TLN2: variants seen among roughly 807,000 people sequenced by gnomAD.
TLN2 encodes talin 2, also known as talin-2.
Under a neutral mutation model 294.7 loss-of-function variants are expected in TLN2, and 118 were observed. The observed-to-expected ratio is 0.40, with a 90% CI of 0.34 to 0.47. The LOEUF is 0.47. TLN2 is among the 20% of genes least tolerant of loss of function. TLN2 has a pLI of 0.84. For synonymous variants in TLN2, 1,431 were observed against 1,304.5 expected (o/e 1.10, Z -2.09); for missense variants, 3,083 against 3,282.2 (o/e 0.94, Z 1.48).
intron 11 of TLN2, among the ~76,000 whole-genome samples, chr15:62,676,053 C>T (rs148274040): frequency 1.2e-3 from 177 of 152,302 alleles, no homozygotes; most frequent in African/African-American, 4.1e-3. Flanking sequence ...AGTCAGTCTT[C>T]TTGTGTTGCT....
rs959203940 is a variant in TLN2, at chr15:62,703,542, G to C, written c.2004+678G>C. ...GGCCAGTCTTACTTTATCTGTTCAG[G>C]AGGAGGTTTTAATGGCATCATTCTT... is the stretch of plus-strand genomic sequence containing the variant. On this transcript the variant is annotated intron_variant, in intron 19 of 58. Coordinates refer to ENST00000636159, the MANE Select transcript of TLN2 (RefSeq NM_015059.3). Among the ~76,000 whole-genome samples the C allele has an allele frequency of 4.6e-5, 7 of 151,828 alleles. No individual in the cohort carries two copies. In the East Asian group the frequency reaches 1.2e-3, roughly 25 times the overall value.
At chr15:62,629,845 C>T (rs1238649083) in intron 3 of TLN2, among the ~76,000 whole-genome samples, 1 of 152,170 alleles carries the variant, frequency 6.6e-6, no homozygotes, top group Non-Finnish European at 1.5e-5. Context: ...CCCCAGGCAG[C>T]AGTTAAAATT....
intron 10 of TLN2, among the ~76,000 whole-genome samples, chr15:62,674,313 C>T (rs1400794474): frequency 3.3e-5 from 5 of 152,072 alleles, no homozygotes; most frequent in Non-Finnish European, 7.4e-5. Flanking sequence ...GTCTACGCAA[C>T]CAGTAAGAAA....
intron 1 of TLN2, among the ~76,000 whole-genome samples, chr15:62,411,207 A>T (rs543280236): frequency 1.3e-5 from 2 of 152,358 alleles, no homozygotes; most frequent in South Asian, 4.2e-4. Context: ...AAACATGCTG[A>T]TGTGGGAACC....
intron 16 of TLN2, among the ~76,000 whole-genome samples, chr15:62,699,392 T>G (rs1015646528): frequency 1.3e-5 from 2 of 152,164 alleles, no homozygotes; most frequent in African/African-American, 4.8e-5. Flanking sequence ...TCTATTTTTT[T>G]TTTTTTGGAT....
At chr15:62,501,673 C>T (rs935484689) in intron 1 of TLN2, among the ~76,000 whole-genome samples, 2 of 152,236 alleles carry the variant, frequency 1.3e-5, no homozygotes, top group Non-Finnish European at 2.9e-5. Context: ...GACCCATCCA[C>T]ACTGATGTGA....
In TLN2 at chr15:62,740,712, C is replaced by G; in HGVS notation, c.3968C>G (p.Ser1323Cys). 2 of 1,614,240 alleles carry G rather than the reference C, an allele frequency of 1.2e-6. No homozygotes were observed. Among genetic ancestry groups the G allele is most frequent in the Non-Finnish European group, 1.7e-6 (2 of 1,180,048 alleles). ...ASSKLLLAAK[S>C]LSVDPGAPNA... is the part of the protein sequence containing the mutation. ...AGCAAGCTGCTGTTAGCTGCCAAGT[C>G]TCTCTCTGTAGATCCAGGAGCTCCC... The change falls in exon 32 of 59, where the codon TCT becomes TGT. Residue 1323 changes from serine (S) to cysteine (C), a missense_variant. Transcript: ENST00000636159.
intron 2 of TLN2, among the ~76,000 whole-genome samples, chr15:62,593,623 A>G (rs1392958541): frequency 6.6e-6 from 1 of 152,162 alleles, no homozygotes. Context: ...GCAATTGAGT[A>G]TTTTTCTATA....
intron 45 of TLN2, among the ~76,000 whole-genome samples, chr15:62,791,694 C>T (rs1375483546): frequency 6.6e-6 from 1 of 152,210 alleles, no homozygotes; most frequent in Non-Finnish European, 1.5e-5. Flanking sequence ...GCCATAGCTT[C>T]TAGCTCTTGT....
chr15:62,779,112 G>A (rs2063929124), intron 43 of TLN2, among the ~76,000 whole-genome samples: 1 of 152,102 alleles, frequency 6.6e-6, no homozygotes, highest in Admixed American at 6.5e-5. Context: ...TTCTAACTTG[G>A]ATGTGACTCC....
At chr15:62,460,441 T>A (rs2036735061) in intron 1 of TLN2, among the ~76,000 whole-genome samples, 1 of 152,134 alleles carries the variant, frequency 6.6e-6, no homozygotes, top group African/African-American at 2.4e-5. Flanking sequence ...CTTTGTATTT[T>A]TAGTAGAGAC....
At chr15:62,580,384 C>T (rs2044831248) in intron 1 of TLN2, among the ~76,000 whole-genome samples, 1 of 151,576 alleles carries the variant, frequency 6.6e-6, no homozygotes, top group African/African-American at 2.4e-5. Flanking sequence ...CTTAGAGTTT[C>T]TCTCTTCTCC....
In TLN2 at chr15:62,698,775, A is replaced by T. The variant is rs139218709; in HGVS notation, c.1495A>T (p.Met499Leu). The T allele has an allele frequency of 3.9e-5, 63 of 1,611,400 alleles. No homozygotes were observed. In the African/African-American group the frequency reaches 8.0e-4, roughly 20 times the overall value. Reference sequence around the variant, plus strand: ...GCAGACCTCAGCCCAGCAGGCCCTGATGGGGACCATCAACACAAGCATGCA... The same window carrying T: ...GCAGACCTCAGCCCAGCAGGCCCTGTTGGGGACCATCAACACAAGCATGCA... ...PPLTSAQQAL[M>L]GTINTSMHAV... The change falls in exon 16 of 59, where the codon ATG (methionine) becomes TTG (leucine). Residue 499 changes from methionine to leucine, a missense_variant. By Grantham distance (15) the Met-to-Leu change is conservative. Transcript: ENST00000636159.
At chr15:62,650,005 C>T (rs1254730730) in intron 4 of TLN2, 79 bp from the exon 5 acceptor site, 19 of 1,406,834 alleles carry the variant, frequency 1.4e-5, no homozygotes, top group Non-Finnish European at 1.9e-5. Flanking sequence ...CTTGCTGAGT[C>T]AGCAGGCTCA....
At chr15:62,831,774 T>C (rs1388398920) in intron 54 of TLN2, 3 of 152,206 alleles carry the variant, frequency 2.0e-5, no homozygotes, top group Non-Finnish European at 4.4e-5. Context: ...ATTTTGATAA[T>C]GTAGGTTATA....
At chr15:62,477,417 G>C (rs573889060) in intron 1 of TLN2, among the ~76,000 whole-genome samples, 32 of 152,226 alleles carry the variant, frequency 2.1e-4, no homozygotes, top group Non-Finnish European at 4.1e-4. Flanking sequence ...TCAGGGTTTT[G>C]TCTGGCCTTG....
At chr15:62,644,779 A>G (rs2051629760) in intron 3 of TLN2, 1 of 343,862 alleles carries the variant, frequency 2.9e-6, no homozygotes, top group South Asian at 2.3e-5. Flanking sequence ...CTGCTGTTAC[A>G]TTTGGCTCTC....
In TLN2 at chr15:62,726,836, GT is replaced by G. The variant is rs1262499932; in HGVS notation, c.3256-249del. Among the ~76,000 whole-genome samples the G allele has an allele frequency of 1.4e-3, 209 of 152,238 alleles. 1 individual carries two copies. The highest frequency in any genetic ancestry group is 1.4e-3 in the East Asian group (7 of 5,176). On this transcript the variant is annotated intron_variant, in intron 27 of 58. Transcript: ENST00000636159. ...CCTCAGGAAACTGAGGCTTGGAGAG[GT>G]TCAGTAATTTACTCAGTCTCATGCT...
At chr15:62,803,427 T>A (rs997238093) in intron 50 of TLN2, among the ~76,000 whole-genome samples, 1 of 152,238 alleles carries the variant, frequency 6.6e-6, no homozygotes, top group Non-Finnish European at 1.5e-5. Context: ...TACCTCCTTT[T>A]TAAGGCCAAT....
Sources: allele counts gnomAD v4.1 joint callset (sites outside exome capture counted in the v4.1 genomes callset), GRCh38; gene constraint gnomAD v4.1.1; transcripts MANE v1.5; gene names NCBI Gene and HGNC (gene_info 2026-07-23, HGNC 2026-07-21).